The following ENPP2 variants were observed in gnomAD, a reference collection of about 807,000 sequenced individuals.
ENPP2 encodes the protein ectonucleotide pyrophosphatase/phosphodiesterase 2, also known as autotaxin.
Under a neutral mutation model 120.2 loss-of-function variants are expected in ENPP2, and 51 were observed. That is an observed-to-expected ratio of 0.42 (90% CI 0.34 to 0.54). The LOEUF is 0.54. Ranked by LOEUF, ENPP2 falls within the 20% of genes least tolerant of loss-of-function variation. The pLI is 0.04. For synonymous variants in ENPP2, 365 were observed against 366.4 expected (o/e 1.00, Z 0.04); for missense variants, 920 against 1,066.5 (o/e 0.86, Z 1.91).
intron 19 of ENPP2, among the ~76,000 whole-genome samples, chr8:119,574,325 C>T (rs557256085): frequency 6.6e-6 from 1 of 151,612 alleles, no homozygotes; most frequent in Non-Finnish European, 1.5e-5. Context: ...TCGAGACCAG[C>T]AACCCTGGAG....
intron 8 of ENPP2, among the ~76,000 whole-genome samples, chr8:119,610,673 A>T (rs1815036736): frequency 6.6e-6 from 1 of 151,822 alleles, no homozygotes; most frequent in Non-Finnish European, 1.5e-5. Flanking sequence ...GAGGCCGAAG[A>T]GGGTGGATCG....
At chr8:119,648,669 C>T (rs540823912) in intron 1 of ENPP2, among the ~76,000 whole-genome samples, 61 of 152,288 alleles carry the variant, frequency 4.0e-4, no homozygotes, top group African/African-American at 1.4e-3. Context: ...CTGTGATTCC[C>T]CTTGCAATCA....
At chr8:119,636,743 C>T (rs926227472) in intron 2 of ENPP2, among the ~76,000 whole-genome samples, 4 of 151,086 alleles carry the variant, frequency 2.6e-5, no homozygotes, top group Admixed American at 2.0e-4. Flanking sequence ...GTAGTGAGCA[C>T]AGAAATTCAA....
intron 13 of ENPP2, among the ~76,000 whole-genome samples, chr8:119,590,261 G>A (rs1217630219): frequency 6.6e-6 from 1 of 152,138 alleles, no homozygotes; most frequent in East Asian, 1.9e-4. Context: ...GCTACTATGT[G>A]CCAGGAACCA....
chr8:119,629,826 A>G (rs1816534246), intron 2 of ENPP2, among the ~76,000 whole-genome samples: 1 of 152,164 alleles, frequency 6.6e-6, no homozygotes, highest in African/African-American at 2.4e-5. Context: ...AAAAATAGAG[A>G]AAGTCCTACA....
At position 119,586,219 on chromosome 8, in the gene ENPP2, T is replaced by C. The variant is rs746751386; in HGVS notation, c.1334A>G (p.His445Arg). 6.2e-7 allele frequency: 1 copy of C among 1,614,084 alleles called. No homozygotes were observed. ...ATGCCATCTGCGTTCCACCAATAAA[T>C]GGATATCCTCAATTCTTCTGTTGTT... is the stretch of plus-strand genomic sequence containing the variant. ...YANNRRIEDI[H>R]LLVERRWHVA... is the part of the protein sequence containing the mutation. The change falls in exon 15 of 25, where the codon CAT (histidine) becomes CGT (arginine). Residue 445 changes from histidine (H) to arginine (R), a missense_variant. His to Arg is a conservative substitution (Grantham distance 29, BLOSUM62 0). Transcript: ENST00000075322.
intron 12 of ENPP2, chr8:119,592,960 T>G: frequency 8.1e-6 from 8 of 982,808 alleles, no homozygotes; most frequent in Non-Finnish European, 8.5e-6. Flanking sequence ...TCAGCCAATT[T>G]TCATCCTCCG....
At chr8:119,663,145 G>C (rs1472178891) in intron 1 of ENPP2, among the ~76,000 whole-genome samples, 1 of 148,808 alleles carries the variant, frequency 6.7e-6, no homozygotes, top group East Asian at 1.9e-4. Flanking sequence ...AAGAAAGAAA[G>C]AAAAAAGAAA....
chr8:119,591,284 T>C (rs749964353), intron 12 of ENPP2, among the ~76,000 whole-genome samples: 4 of 152,154 alleles, frequency 2.6e-5, no homozygotes, highest in Non-Finnish European at 4.4e-5. Context: ...TTGTAAACAA[T>C]GTAATTAGTC....
At chr8:119,595,753 A>C (rs760528750) in intron 11 of ENPP2, 3 of 1,262,594 alleles carry the variant, frequency 2.4e-6, no homozygotes, top group Non-Finnish European at 3.4e-6. Flanking sequence ...GTTTTTCTAA[A>C]ACTTGCTCAG....
At chr8:119,601,611 A>C (rs1298405207) in intron 9 of ENPP2, 149 bp from the exon 10 acceptor site, 1 of 625,036 alleles carries the variant, frequency 1.6e-6, no homozygotes, top group African/African-American at 1.8e-5. Flanking sequence ...CCCTCTTTCG[A>C]ATTAGCGTTT....
intron 11 of ENPP2, among the ~76,000 whole-genome samples, chr8:119,596,364 G>C (rs1813896485): frequency 6.6e-6 from 1 of 152,170 alleles, no homozygotes; most frequent in African/African-American, 2.4e-5. Context: ...GTTATGAAAA[G>C]CTCTCCATTT....
upstream of ENPP2, among the ~76,000 whole-genome samples, chr8:119,643,236 C>T (rs1817335636): frequency 6.6e-6 from 1 of 152,136 alleles, no homozygotes; most frequent in South Asian, 2.1e-4. Context: ...ACAGTCTTTG[C>T]AAAAGGATTT....
intron 9 of ENPP2, among the ~76,000 whole-genome samples, chr8:119,605,185 C>T (rs1441534024): frequency 6.6e-6 from 1 of 152,058 alleles, no homozygotes; most frequent in Non-Finnish European, 1.5e-5. Context: ...GATCCTCCCA[C>T]CTCAGTCTCC....
At chr8:119,633,481 C>A (rs956470273) in intron 2 of ENPP2, among the ~76,000 whole-genome samples, 2 of 152,112 alleles carry the variant, frequency 1.3e-5, no homozygotes, top group African/African-American at 4.8e-5. Flanking sequence ...TAAAACAGGA[C>A]AAGTTCCCTT....
chr8:119,644,325 G>T (rs573077066), intron 1 of ENPP2, among the ~76,000 whole-genome samples: 154 of 151,848 alleles, frequency 1.0e-3, no homozygotes, highest in African/African-American at 3.6e-3. Context: ...ACAAGTGGGG[G>T]AGTTAGGAAA....
At chr8:119,633,373 C>G (rs1309972600) in intron 2 of ENPP2, among the ~76,000 whole-genome samples, 1 of 152,168 alleles carries the variant, frequency 6.6e-6, no homozygotes, top group East Asian at 1.9e-4. Context: ...TCCTCCCATT[C>G]TCCTTGGTTC....
upstream of ENPP2, among the ~76,000 whole-genome samples, chr8:119,640,978 C>T (rs1181806454): frequency 2.0e-5 from 3 of 151,982 alleles, no homozygotes; most frequent in Admixed American, 6.6e-5. Flanking sequence ...AACTCCTGAC[C>T]TCAGGTGATC....
chr8:119,573,162 C>T (rs908168020), intron 19 of ENPP2: 1 of 152,184 alleles, frequency 6.6e-6, no homozygotes, highest in African/African-American at 2.4e-5. Context: ...AATCACAACA[C>T]TTTGGGAGGC....
Sources: gnomAD v4.1 joint callset for allele counts (sites outside exome capture counted in the v4.1 genomes callset) on GRCh38, gnomAD v4.1.1 for gene constraint, MANE v1.5 for transcripts, NCBI Gene and HGNC (gene_info 2026-07-23, HGNC 2026-07-21) for gene names.